The following OSBPL6 variants were observed in gnomAD, a reference collection of about 807,000 sequenced individuals.
The protein encoded by OSBPL6 is oxysterol-binding protein-related protein 6.
In OSBPL6, 49 loss-of-function variants were observed where a neutral mutation model predicts 125.8. The ratio of observed to expected loss-of-function variants is 0.39; its 90% CI spans 0.31 to 0.49. The LOEUF (loss-of-function observed/expected upper bound fraction) is 0.49. Ranked by LOEUF, OSBPL6 falls within the 20% of genes least tolerant of loss-of-function variation. The pLI, the probability that OSBPL6 is intolerant of heterozygous loss-of-function variation, is 0.88. For missense variants in OSBPL6, 986 were observed against 1,135.4 expected (o/e 0.87, Z 1.89); for synonymous variants, 394 against 391.8 (o/e 1.01, Z -0.07).
At chr2:178,218,241 A>T (rs2153966328) in intron 1 of OSBPL6, among the ~76,000 whole-genome samples, 1 of 152,330 alleles carries the variant, frequency 6.6e-6, no homozygotes, top group South Asian at 2.1e-4. Flanking sequence ...ATTTTATTTT[A>T]CAAGTAGGAA....
chr2:178,394,041 C>A (rs766955206), intron 23 of OSBPL6, among the ~76,000 whole-genome samples: 2 of 152,174 alleles, frequency 1.3e-5, no homozygotes, highest in Non-Finnish European at 2.9e-5. Context: ...ATAGAAAAGT[C>A]TTCAAGGCCA....
chr2:178,384,238 G>A (rs2154114883), intron 18 of OSBPL6, 62 bp downstream of exon 18: 2 of 1,557,580 alleles, frequency 1.3e-6, no homozygotes, highest in South Asian at 1.2e-5. Context: ...GGTGATGAAA[G>A]CACCATTTCG....
At chr2:178,343,334 C>T (rs1390433992) in intron 11 of OSBPL6, among the ~76,000 whole-genome samples, 1 of 151,862 alleles carries the variant, frequency 6.6e-6, no homozygotes, top group Non-Finnish European at 1.5e-5. Context: ...CTGCAATGAG[C>T]TATGATCGTG....
At chr2:178,307,152 AC>A (rs762052686) in intron 3 of OSBPL6, among the ~76,000 whole-genome samples, 4 of 150,456 alleles carry the variant, frequency 2.7e-5, no homozygotes, top group Non-Finnish European at 5.9e-5. Context: ...TCCACCCCTC[AC>A]CCCCTGTTTT....
intron 13 of OSBPL6, among the ~76,000 whole-genome samples, chr2:178,371,914 T>C (rs1321698358): frequency 6.6e-6 from 1 of 152,206 alleles, no homozygotes; most frequent in East Asian, 1.9e-4. Context: ...CCCACCAATC[T>C]GCAAAGTAGC....
Position 178,333,007 on chromosome 2 carries a change from C to T in OSBPL6, c.623C>T (p.Ser208Leu), listed in dbSNP as rs1689360456. 2 of 1,614,120 alleles carry T rather than the reference C, an allele frequency of 1.2e-6. No homozygotes were observed. The highest frequency in any genetic ancestry group is 1.7e-6 in the Non-Finnish European group (2 of 1,180,006). The change falls in exon 8 of 25, where the codon TCA (serine) becomes TTA (leucine). Residue 208 changes from serine (S) to leucine (L), a missense_variant. Coordinates refer to ENST00000190611, the MANE Select transcript of OSBPL6 (RefSeq NM_032523.4). The part of the protein sequence containing the change: ...IFPSTSTAES[S>L]PAANVSVMDG... ...CCTTCAACGTCCACAGCTGAATCCT[C>T]ACCAGCTGCTAATGTTTCTGTAATG...
chr2:178,297,205 G>T (rs1559215080), intron 2 of OSBPL6, among the ~76,000 whole-genome samples: 1 of 151,976 alleles, frequency 6.6e-6, no homozygotes, highest in African/African-American at 2.4e-5. Context: ...GTTGAACCTT[G>T]TACAGTCTTT....
At chr2:178,328,145 T>C in intron 4 of OSBPL6, 111 bp from the exon 5 acceptor site, 1 of 1,374,654 alleles carries the variant, frequency 7.3e-7, no homozygotes, top group Non-Finnish European at 9.9e-7. Flanking sequence ...TTCATCCTTC[T>C]TTCTGGTGGG....
intron 1 of OSBPL6, among the ~76,000 whole-genome samples, chr2:178,210,975 T>A (rs116560303): frequency 2.2e-4 from 34 of 151,890 alleles, no homozygotes; most frequent in African/African-American, 8.0e-4. Flanking sequence ...TTATACTACA[T>A]GGATAGAGCA....
chr2:178,197,654 A>G (rs1489443627), intron 1 of OSBPL6, among the ~76,000 whole-genome samples: 1 of 152,238 alleles, frequency 6.6e-6, no homozygotes, highest in Non-Finnish European at 1.5e-5. Context: ...CTATACTGTA[A>G]TAAAAAGTTA....
intron 1 of OSBPL6, among the ~76,000 whole-genome samples, chr2:178,248,924 T>C (rs1380099252): frequency 6.6e-6 from 1 of 152,214 alleles, no homozygotes; most frequent in Non-Finnish European, 1.5e-5. Context: ...CTTTTGTATT[T>C]TTTATTTTTC....
intron 1 of OSBPL6, among the ~76,000 whole-genome samples, chr2:178,264,253 A>G (rs769383943): frequency 2.6e-5 from 4 of 152,222 alleles, no homozygotes; most frequent in Non-Finnish European, 5.9e-5. Flanking sequence ...ATAAATGTCC[A>G]AACTGATCAT....
intron 1 of OSBPL6, among the ~76,000 whole-genome samples, chr2:178,215,648 T>C (rs1574506984): frequency 6.6e-6 from 1 of 151,890 alleles, no homozygotes; most frequent in African/African-American, 2.4e-5. Context: ...CGTGTTCCTG[T>C]GATTTAGGGA....
At chr2:178,208,060 G>T (rs181391161) in intron 1 of OSBPL6, among the ~76,000 whole-genome samples, 1 of 151,984 alleles carries the variant, frequency 6.6e-6, no homozygotes, top group African/African-American at 2.4e-5. Flanking sequence ...CAAGGTGGGC[G>T]GATCACCTGA....
chr2:178,347,199 G>A (rs760493938), intron 11 of OSBPL6, among the ~76,000 whole-genome samples: 31 of 152,058 alleles, frequency 2.0e-4, no homozygotes, highest in Middle Eastern at 3.4e-3. Context: ...CAAGCTTCCC[G>A]CCAACTCTCA....
At chr2:178,289,596 T>A (rs1026111127) in intron 2 of OSBPL6, among the ~76,000 whole-genome samples, 7 of 152,224 alleles carry the variant, frequency 4.6e-5, no homozygotes, top group African/African-American at 1.7e-4. Context: ...TTACTACTCA[T>A]TCCATATTCA....
chr2:178,312,192 G>A (rs1260001637), intron 3 of OSBPL6, among the ~76,000 whole-genome samples: 6 of 123,558 alleles, frequency 4.9e-5, no homozygotes, highest in East Asian at 2.3e-4. Flanking sequence ...ATGGAGTTTC[G>A]CTCTTTTTGC....
intron 19 of OSBPL6, among the ~76,000 whole-genome samples, chr2:178,386,262 A>C (rs192614955): frequency 6.6e-6 from 1 of 152,338 alleles, no homozygotes; most frequent in African/African-American, 2.4e-5. Flanking sequence ...AGAATCAGGC[A>C]TCTTGTGGAG....
chr2:178,385,340 A>G, intron 18 of OSBPL6, 118 bp from the exon 19 acceptor site: 1 of 693,120 alleles, frequency 1.4e-6, no homozygotes, highest in Non-Finnish European at 2.4e-6. Flanking sequence ...CAGTGTTTTT[A>G]AAGCATGAAG....
Sources: gnomAD v4.1 joint callset for allele counts (sites outside exome capture counted in the v4.1 genomes callset) on GRCh38, gnomAD v4.1.1 for gene constraint, MANE v1.5 for transcripts, NCBI Gene and HGNC (gene_info 2026-07-23, HGNC 2026-07-21) for gene names.